Variants in MAML2 observed in about 807,000 individuals in gnomAD.
The protein encoded by MAML2 is mastermind like transcriptional coactivator 2.
MAML2 carries 22 observed loss-of-function variants against 96.1 expected under a neutral mutation model. The ratio of observed to expected loss-of-function variants is 0.23; its 90% CI spans 0.16 to 0.33. The LOEUF is 0.33. Ranked by LOEUF, MAML2 falls within the 10% of genes least tolerant of loss-of-function variation. The pLI is 1.00. For synonymous variants in MAML2, 561 were observed against 521.3 expected (o/e 1.08, Z -1.04); for missense variants, 1,367 against 1,392.4 (o/e 0.98, Z 0.29).
At chr11:96,311,768 T>A (rs545506) in intron 1 of MAML2, among the ~76,000 whole-genome samples, 107,172 of 152,140 alleles carry the variant, frequency 0.7, 37,819 homozygotes, top group East Asian at 0.82. Context: ...AATCAAAAGT[T>A]GTCTACATTT....
At chr11:96,041,010 C>T (rs569281763) in intron 2 of MAML2, among the ~76,000 whole-genome samples, 1 of 152,294 alleles carries the variant, frequency 6.6e-6, no homozygotes, top group Non-Finnish European at 1.5e-5. Context: ...ATTGTGATTG[C>T]TGTAGAGTAT....
In MAML2 at chr11:96,092,591, G is replaced by C. The variant is rs61749251; in HGVS notation, c.1440C>G (p.Ile480Met). Reference sequence around the variant, plus strand: ...TCTGCTGACCAAAAGAAGGGCTGGGGATTTTCTCCTGCCCAAATGGACCTG... The same window carrying C: ...TCTGCTGACCAAAAGAAGGGCTGGGCATTTTCTCCTGCCCAAATGGACCTG... ...PSPGPFGQEKIPSPSFGQQTF... is the reference protein window; with the variant it reads ...PSPGPFGQEKMPSPSFGQQTF... Residue 480 changes from isoleucine to methionine, a missense_variant, in exon 2 of 5, where the codon ATC becomes ATG. Coordinates refer to ENST00000524717, the MANE Select transcript of MAML2 (RefSeq NM_032427.4). This position sits in a 1 kb window ranked among gnomAD's most constrained non-coding sequence, Gnocchi z 4.1. The C allele has an allele frequency of 0.019, 30,219 of 1,610,166 alleles. 373 individuals are homozygous for C. The highest frequency in any genetic ancestry group is 0.072 in the Middle Eastern group (433 of 6,050).
chr11:96,095,521 C>T (rs997952962), intron 1 of MAML2, among the ~76,000 whole-genome samples: 13 of 152,128 alleles, frequency 8.5e-5, no homozygotes, highest in African/African-American at 2.7e-4. Flanking sequence ...AAAGTGAGAC[C>T]AGGCTCTCTT....
At chr11:96,036,330 G>C (rs1000240365) in intron 2 of MAML2, among the ~76,000 whole-genome samples, 5 of 152,178 alleles carry the variant, frequency 3.3e-5, no homozygotes, top group South Asian at 4.1e-4. Context: ...GGCACTTTAA[G>C]TTCACTCTAG....
chr11:96,000,243 C>T (rs1202205276), intron 2 of MAML2, among the ~76,000 whole-genome samples: 1 of 152,194 alleles, frequency 6.6e-6, no homozygotes, highest in Non-Finnish European at 1.5e-5. Context: ...ATGAAACTCT[C>T]CTATCTTCAG....
At chr11:96,002,868 TGATGATGGGGATGATGAGGAG>T (rs1457769629) in intron 2 of MAML2, among the ~76,000 whole-genome samples, 908 of 72,750 alleles carry the variant, frequency 0.012, 18 homozygotes, top group African/African-American at 0.046. Context: ...GATGATGAAA[TGATGATGGGGATGATGAGGAG>T]GATGATGGGG....
chr11:96,183,927 G>T (rs1279250381), intron 1 of MAML2, among the ~76,000 whole-genome samples: 1 of 152,150 alleles, frequency 6.6e-6, no homozygotes, highest in Admixed American at 6.5e-5. Flanking sequence ...ACATTTACTA[G>T]AATTAGATGT....
chr11:96,316,955 G>T (rs1863641188), intron 1 of MAML2, among the ~76,000 whole-genome samples: 1 of 152,280 alleles, frequency 6.6e-6, no homozygotes, highest in East Asian at 1.9e-4. Context: ...CTCTGCTGTT[G>T]GGGCCAAGCC....
At chr11:96,243,593 A>AC (rs1438306852) in intron 1 of MAML2, among the ~76,000 whole-genome samples, 3 of 151,450 alleles carry the variant, frequency 2.0e-5, no homozygotes, top group African/African-American at 7.3e-5. Flanking sequence ...AAGAAGGAAG[A>AC]CCCACATGTT....
At chr11:96,226,368 T>C (rs1329193210) in intron 1 of MAML2, among the ~76,000 whole-genome samples, 2 of 152,214 alleles carry the variant, frequency 1.3e-5, no homozygotes, top group Admixed American at 6.5e-5. Flanking sequence ...TTCTATGCAA[T>C]GGCCTGTCTG....
chr11:96,216,881 GA>G (rs1228078457), intron 1 of MAML2, among the ~76,000 whole-genome samples: 1 of 152,128 alleles, frequency 6.6e-6, no homozygotes, highest in Non-Finnish European at 1.5e-5. Flanking sequence ...ATTGAGACTT[GA>G]AAAAGCAAAG....
At chr11:96,087,252 T>C (rs1372722041) in intron 2 of MAML2, among the ~76,000 whole-genome samples, 4 of 152,206 alleles carry the variant, frequency 2.6e-5, no homozygotes, top group Admixed American at 2.0e-4. Flanking sequence ...AATTTTCCAA[T>C]TATGATTCTT....
chr11:96,286,413 C>T (rs968267349), intron 1 of MAML2, among the ~76,000 whole-genome samples: 4 of 152,132 alleles, frequency 2.6e-5, no homozygotes, highest in Admixed American at 2.0e-4. Context: ...GTGCAGCAAA[C>T]CACCATGGCA....
intron 1 of MAML2, among the ~76,000 whole-genome samples, chr11:96,296,537 G>A (rs1591119512): frequency 6.6e-6 from 1 of 152,160 alleles, no homozygotes; most frequent in East Asian, 1.9e-4. Context: ...CAGCTACTGG[G>A]GAGGCTGAGG....
At chr11:96,147,607 T>C (rs149859518) in intron 1 of MAML2, among the ~76,000 whole-genome samples, 1,553 of 152,382 alleles carry the variant, frequency 0.01, 18 homozygotes, top group Admixed American at 0.021. Context: ...TTTCTTTACC[T>C]TTTCCACGTA....
chr11:96,060,679 C>G (rs1379818537), intron 2 of MAML2, among the ~76,000 whole-genome samples: 1 of 152,162 alleles, frequency 6.6e-6, no homozygotes, highest in Non-Finnish European at 1.5e-5. Flanking sequence ...CTGAGGCCTT[C>G]TTTTTGGAGA....
At chr11:96,334,520 T>G (rs558064546) in intron 1 of MAML2, among the ~76,000 whole-genome samples, 1 of 152,330 alleles carries the variant, frequency 6.6e-6, no homozygotes, top group East Asian at 1.9e-4. Context: ...AGTTAAGATC[T>G]CAGGCTCTTA....
chr11:96,270,288 A>T (rs1032893191), intron 1 of MAML2, among the ~76,000 whole-genome samples: 1 of 152,154 alleles, frequency 6.6e-6, no homozygotes, highest in Non-Finnish European at 1.5e-5. Flanking sequence ...CACTTCTGAC[A>T]CTAGCAGTCT....
At position 95,979,165 on chromosome 11, in the gene MAML2, C is replaced by T. The variant is rs1480319406; in HGVS notation, c.3254G>A (p.Ser1085Asn). 2 of 1,613,866 alleles carry T rather than the reference C, an allele frequency of 1.2e-6. No individual in the cohort carries two copies. The highest frequency in any genetic ancestry group is 4.5e-5 in the East Asian group (2 of 44,894). ...ACTTTGGTTGGGTGAAGGAAAATTG[C>T]TGGGCGTCAGGGATGGTGGCTGGTT... is the stretch of plus-strand genomic sequence containing the variant. ...GINQPPSLTP[S>N]NFPSPNQSSR... The change falls in exon 5 of 5, where the codon AGC (serine) becomes AAC (asparagine). Residue 1085 changes from serine (S) to asparagine (N), a missense_variant. By Grantham distance (46) the Ser-to-Asn change is conservative. Coordinates refer to ENST00000524717, the MANE Select transcript of MAML2 (RefSeq NM_032427.4).
Sources: allele counts gnomAD v4.1 joint callset (sites outside exome capture counted in the v4.1 genomes callset), GRCh38; gene constraint gnomAD v4.1.1; non-coding constraint Gnocchi (gnomAD v3.1); transcripts MANE v1.5; gene names NCBI Gene and HGNC (gene_info 2026-07-23, HGNC 2026-07-21).